CEP63: variants seen among roughly 807,000 people sequenced by gnomAD.
The protein encoded by CEP63 is centrosomal protein 63.
Under a neutral mutation model 89.1 loss-of-function variants are expected in CEP63, and 84 were observed. That is an observed-to-expected ratio of 0.94 (90% confidence interval 0.79 to 1.13). The LOEUF is 1.13. Among genes scored for constraint, CEP63 ranks in the 50% most tolerant of loss-of-function variants. The probability of loss-of-function intolerance (pLI) is 0.00; values close to 1 mark genes in which losing one functional copy is unlikely to be tolerated. For synonymous variants in CEP63, 267 were observed against 272.5 expected, an observed-to-expected ratio of 0.98 and a Z score of 0.20; for missense variants, 838 against 813.3, an observed-to-expected ratio of 1.03 and a Z score of -0.37.
downstream of CEP63, among the ~76,000 whole-genome samples, chr3:134,576,689 A>G (rs1205822594): frequency 6.6e-6 from 1 of 152,220 alleles, no homozygotes; most frequent in African/African-American, 2.4e-5. Flanking sequence ...AGGGAAGACA[A>G]TAAAAATGCT....
At chr3:134,660,594 T>G in the CEP63 span, among the ~76,000 whole-genome samples, 1 of 152,196 alleles carries the variant, frequency 6.6e-6, no homozygotes, top group Admixed American at 6.5e-5. Flanking sequence ...CTTTTTTTTC[T>G]ATGCCAACTC....
the CEP63 span, among the ~76,000 whole-genome samples, chr3:134,649,669 TACTC>T: frequency 6.6e-6 from 1 of 152,212 alleles, no homozygotes; most frequent in African/African-American, 2.4e-5. Context: ...CCTGTCAACA[TACTC>T]AGCCCTCTAG....
At chr3:134,639,408 G>T in the CEP63 span, among the ~76,000 whole-genome samples, 1 of 152,176 alleles carries the variant, frequency 6.6e-6, no homozygotes, top group African/African-American at 2.4e-5. Context: ...GGCATCTGCT[G>T]GTGTGCATGA....
At chr3:134,575,359 T>A (rs1322558634), downstream of CEP63, among the ~76,000 whole-genome samples, 1 of 16,248 alleles carries the variant, frequency 6.2e-5, no homozygotes, top group Admixed American at 5.4e-4. Flanking sequence ...ATGGCCCTCT[T>A]TCTCCCTCCC....
At chr3:134,716,948 G>A in the CEP63 span, among the ~76,000 whole-genome samples, 1 of 152,184 alleles carries the variant, frequency 6.6e-6, no homozygotes. Flanking sequence ...ACCTTCCAAA[G>A]GTGCTGAGCA....
the CEP63 span, among the ~76,000 whole-genome samples, chr3:134,725,836 G>C: frequency 6.6e-6 from 1 of 152,132 alleles, no homozygotes; most frequent in Non-Finnish European, 1.5e-5. Flanking sequence ...CCTGAACAGT[G>C]GTGGCCAAGA....
At chr3:134,497,285 G>C (rs549404241) in intron 2 of CEP63, among the ~76,000 whole-genome samples, 1 of 152,024 alleles carries the variant, frequency 6.6e-6, no homozygotes, top group South Asian at 2.1e-4. Flanking sequence ...CCCAATTGTC[G>C]GTTTTTGTTT....
chr3:134,495,847 A>G (rs932115527), intron 2 of CEP63, among the ~76,000 whole-genome samples: 4 of 152,062 alleles, frequency 2.6e-5, no homozygotes, highest in African/African-American at 7.3e-5. Context: ...TTCTGTGCCT[A>G]TTATTTCACT....
chr3:134,747,560 A>T, the CEP63 span, among the ~76,000 whole-genome samples: 1 of 152,112 alleles, frequency 6.6e-6, no homozygotes, highest in African/African-American at 2.4e-5. Flanking sequence ...CTGTGGTGAA[A>T]AGTTCCACGT....
At chr3:134,719,149 T>A in the CEP63 span, among the ~76,000 whole-genome samples, 1 of 152,090 alleles carries the variant, frequency 6.6e-6, no homozygotes, top group Admixed American at 6.6e-5. Flanking sequence ...AGCAGCTTGT[T>A]AGAAATGCAG....
the CEP63 span, among the ~76,000 whole-genome samples, chr3:134,660,056 GA>G: frequency 1.2e-4 from 18 of 152,382 alleles, no homozygotes; most frequent in Middle Eastern, 3.4e-3. Flanking sequence ...ATGAGGGGAT[GA>G]GGGGGAGCCT....
At chr3:134,649,140 A>G in the CEP63 span, among the ~76,000 whole-genome samples, 3 of 151,794 alleles carry the variant, frequency 2.0e-5, no homozygotes, top group African/African-American at 7.3e-5. Flanking sequence ...AGATCTCTAC[A>G]CTGTCATTCA....
the CEP63 span, among the ~76,000 whole-genome samples, chr3:134,737,417 T>C: frequency 6.6e-6 from 1 of 152,106 alleles, no homozygotes; most frequent in East Asian, 1.9e-4. Flanking sequence ...ATCCAGATTA[T>C]ATAAATAACC....
intron 6 of CEP63, among the ~76,000 whole-genome samples, chr3:134,540,289 C>G (rs1465363724): frequency 6.6e-6 from 1 of 152,086 alleles, no homozygotes; most frequent in Non-Finnish European, 1.5e-5. Flanking sequence ...TAGAATTCCC[C>G]CCTATCGTTA....
chr3:134,771,616 T>A, the CEP63 span, among the ~76,000 whole-genome samples: 1 of 152,070 alleles, frequency 6.6e-6, no homozygotes, highest in Admixed American at 6.5e-5. Context: ...ATGTATAAGG[T>A]ATTCATACAC....
chr3:134,618,978 T>C, the CEP63 span, among the ~76,000 whole-genome samples: 2 of 152,222 alleles, frequency 1.3e-5, no homozygotes, highest in African/African-American at 4.8e-5. Context: ...AAGTCAATTA[T>C]GCTGGTGTTA....
At chr3:134,559,847 G>T (rs1483215641) in intron 14 of CEP63, among the ~76,000 whole-genome samples, 3 of 152,208 alleles carry the variant, frequency 2.0e-5, no homozygotes, top group African/African-American at 7.2e-5. Context: ...CCTCTGATGT[G>T]TGCAGAGCAT....
At chr3:134,736,136 T>A in the CEP63 span, among the ~76,000 whole-genome samples, 1 of 152,110 alleles carries the variant, frequency 6.6e-6, no homozygotes, top group Non-Finnish European at 1.5e-5. Context: ...TTCACTACAC[T>A]CACAGGTTAA....
chr3:134,733,336 T>C, the CEP63 span, among the ~76,000 whole-genome samples: 4 of 150,462 alleles, frequency 2.7e-5, no homozygotes, highest in South Asian at 8.5e-4. Flanking sequence ...ACCTGAGACA[T>C]GTATTAGTAA....
Sources: gnomAD v4.1 joint callset for allele counts (sites outside exome capture counted in the v4.1 genomes callset) on GRCh38, gnomAD v4.1.1 for gene constraint, MANE v1.5 for transcripts, NCBI Gene and HGNC (gene_info 2026-07-23, HGNC 2026-07-21) for gene names.